ARMC7: variants seen among roughly 807,000 people sequenced by gnomAD.
ARMC7 encodes the protein armadillo repeat containing 7, also known as armadillo repeat-containing protein 7.
ARMC7 carries 9 observed loss-of-function variants against 14.8 expected under a neutral mutation model. That is an observed-to-expected ratio of 0.61 (90% CI 0.37 to 1.06). The LOEUF is 1.06. Ranked by LOEUF, ARMC7 falls within the 50% of genes least tolerant of loss-of-function variation. The probability of loss-of-function intolerance (pLI) is 0.01; values close to 1 mark genes in which losing one functional copy is unlikely to be tolerated. For synonymous variants in ARMC7, 125 were observed against 123.4 expected, an observed-to-expected ratio of 1.01 and a Z score of -0.09; for missense variants, 262 against 267.1, an observed-to-expected ratio of 0.98 and a Z score of 0.13.
chr17:75,110,641 G>T, intron 2 of ARMC7, 35 bp downstream of exon 2: 1 of 1,612,174 alleles, frequency 6.2e-7, no homozygotes, highest in Non-Finnish European at 8.5e-7. Context: ...ATGCCTAAAT[G>T]GGCCAGGGTG....
chr17:75,117,420 G>A (rs368331627), intron 2 of ARMC7, among the ~76,000 whole-genome samples: 23 of 152,246 alleles, frequency 1.5e-4, no homozygotes, highest in East Asian at 7.7e-4. Context: ...AGAAGAATCC[G>A]GCAGCTCATG....
chr17:75,116,201 A>ATTAG (rs975013094), intron 2 of ARMC7, among the ~76,000 whole-genome samples: 5 of 152,218 alleles, frequency 3.3e-5, no homozygotes, highest in Non-Finnish European at 5.9e-5. Flanking sequence ...CTTGGGGAGC[A>ATTAG]CCCACTGCAT....
intron 2 of ARMC7, 70 bp downstream of exon 2, chr17:75,110,676 C>A: frequency 6.3e-7 from 1 of 1,583,056 alleles, no homozygotes; most frequent in Non-Finnish European, 8.6e-7. Context: ...GAAGTGAGTC[C>A]TTGGGGCCGG....
At position 75,110,100 on chromosome 17, in the gene ARMC7, G is replaced by GTCCCATC; in HGVS notation, c.-182_-176dup. On this transcript the variant is annotated 5_prime_UTR_variant, in exon 1 of 3. Transcript: ENST00000245543. ...AACTCCTACAGGATTCTGAGACCCCGTCCCATCTCCCATATCCCATTTCCA... is the reference window on the plus strand; with the variant it reads ...AACTCCTACAGGATTCTGAGACCCCGTCCCATCTCCCATCTCCCATATCCCATTTCCA... 1.7e-6 allele frequency: 1 copy of GTCCCATC among 592,648 alleles called. No individual in the cohort carries two copies. The allele number at this position is 592,648 out of a possible 1,614,324, so 36.7% of individuals were successfully genotyped here.
At chr17:75,123,032 C>CTTT (rs34863483) in intron 2 of ARMC7, among the ~76,000 whole-genome samples, 32 of 135,966 alleles carry the variant, frequency 2.4e-4, no homozygotes, top group Non-Finnish European at 4.3e-4. Context: ...TCTTTGGACA[C>CTTT]TTTTTTTTTT....
At chr17:75,127,549 C>T (rs1252157680) in intron 2 of ARMC7, among the ~76,000 whole-genome samples, 2 of 152,164 alleles carry the variant, frequency 1.3e-5, no homozygotes, top group African/African-American at 4.8e-5. Flanking sequence ...ATCCACCCAC[C>T]TCGGCCTCCC....
chr17:75,110,662 A>T, intron 2 of ARMC7, 56 bp downstream of exon 2: 1 of 1,600,778 alleles, frequency 6.2e-7, no homozygotes, highest in Non-Finnish European at 8.5e-7. Flanking sequence ...AGATAAGTGA[A>T]TTAGAAGTGA....
intron 2 of ARMC7, chr17:75,114,740 C>T (rs1161947457): frequency 5.0e-6 from 2 of 398,504 alleles, no homozygotes; most frequent in Non-Finnish European, 8.8e-6. Context: ...AAGACCCCCC[C>T]GCCCCAAGCA....
chr17:75,128,395 A>G (rs546777735), intron 2 of ARMC7, among the ~76,000 whole-genome samples: 1 of 152,108 alleles, frequency 6.6e-6, no homozygotes, highest in Non-Finnish European at 1.5e-5. Context: ...AGGTTTTTAC[A>G]TTTAAGAAAG....
chr17:75,119,740 C>G (rs778831216), intron 2 of ARMC7, among the ~76,000 whole-genome samples: 7 of 151,934 alleles, frequency 4.6e-5, no homozygotes, highest in Non-Finnish European at 7.4e-5. Flanking sequence ...GGATTACAGG[C>G]GTGAGCCACC....
At chr17:75,119,453 C>T (rs4788866) in intron 2 of ARMC7, among the ~76,000 whole-genome samples, 130,924 of 142,674 alleles carry the variant, frequency 0.92, 61,325 homozygotes, top group South Asian at 1. Context: ...ACAGTTTTTT[C>T]TTTTTTTTTT....
chr17:75,123,598 C>T (rs1027258774), intron 2 of ARMC7, among the ~76,000 whole-genome samples: 9 of 152,014 alleles, frequency 5.9e-5, no homozygotes, highest in South Asian at 2.1e-4. Flanking sequence ...TGTGATCCAC[C>T]GCGCCCAGCC....
intron 2 of ARMC7, among the ~76,000 whole-genome samples, chr17:75,116,119 A>G (rs1466809796): frequency 1.3e-5 from 2 of 152,182 alleles, no homozygotes; most frequent in African/African-American, 2.4e-5. Flanking sequence ...TGCCCAGGCA[A>G]TGTCAGGTGG....
intron 2 of ARMC7, among the ~76,000 whole-genome samples, chr17:75,116,626 AAAAT>A (rs1326051897): frequency 1.3e-5 from 2 of 152,354 alleles, no homozygotes; most frequent in South Asian, 2.1e-4. Flanking sequence ...ACTCCGTCTC[AAAAT>A]AAATAAAGAG....
intron 2 of ARMC7, 85 bp downstream of exon 2, chr17:75,110,691 G>A (rs2145111649): frequency 6.5e-7 from 1 of 1,540,614 alleles, no homozygotes; most frequent in Non-Finnish European, 8.8e-7. Flanking sequence ...GGCCGGGCGT[G>A]GTGGCTCACA....
chr17:75,125,797 T>C (rs1259063804), intron 2 of ARMC7, among the ~76,000 whole-genome samples: 1 of 152,036 alleles, frequency 6.6e-6, no homozygotes, highest in Non-Finnish European at 1.5e-5. Flanking sequence ...TGAGCCGAGA[T>C]CGCGCCACTT....
At chr17:75,110,953 C>CAA (rs537195116) in intron 2 of ARMC7, among the ~76,000 whole-genome samples, 732 of 47,650 alleles carry the variant, frequency 0.015, 5 homozygotes, top group Non-Finnish European at 0.017. Flanking sequence ...GACCCCGTCT[C>CAA]AAAAAAAAAA....
At chr17:75,121,014 C>G (rs557197243) in intron 2 of ARMC7, among the ~76,000 whole-genome samples, 1 of 152,166 alleles carries the variant, frequency 6.6e-6, no homozygotes, top group East Asian at 1.9e-4. Context: ...CTATTCTAAC[C>G]TCTATCCTGT....
intron 2 of ARMC7, among the ~76,000 whole-genome samples, chr17:75,127,830 A>G (rs986342484): frequency 5.9e-5 from 9 of 152,116 alleles, no homozygotes; most frequent in Non-Finnish European, 7.4e-5. Context: ...CCTGGGCTCA[A>G]GGGATCCTCC....
Sources: allele counts gnomAD v4.1 joint callset (sites outside exome capture counted in the v4.1 genomes callset), GRCh38; gene constraint gnomAD v4.1.1; transcripts MANE v1.5; gene names NCBI Gene and HGNC (gene_info 2026-07-23, HGNC 2026-07-21).